The following CSMD1 variants were observed in gnomAD, a reference collection of about 807,000 sequenced individuals.
CSMD1 encodes the protein CUB and Sushi multiple domains 1.
A neutral mutation model predicts 417.5 loss-of-function variants in CSMD1; 213 were observed. The observed-to-expected ratio is 0.51, with a 90% CI of 0.46 to 0.57. The LOEUF (loss-of-function observed/expected upper bound fraction) is 0.57, where lower values mean the gene tolerates loss of function less well. Ranked by LOEUF, CSMD1 falls within the 20% of genes least tolerant of loss-of-function variation. The probability of loss-of-function intolerance (pLI) is 0.00; values close to 1 mark genes in which losing one functional copy is unlikely to be tolerated. For missense variants in CSMD1, 6,923 were observed against 4,529.7 expected (o/e 1.53, Z -15.17); for synonymous variants, 2,862 against 1,736.8 (o/e 1.65, Z -16.11).
chr8:3,834,220 A>G (rs1388136366), intron 5 of CSMD1, among the ~76,000 whole-genome samples: 3 of 151,986 alleles, frequency 2.0e-5, no homozygotes, highest in Non-Finnish European at 2.9e-5. Context: ...TTTATTTTGT[A>G]AAGAATTGCT....
chr8:3,804,095 T>C (rs1031784409), intron 5 of CSMD1, among the ~76,000 whole-genome samples: 34 of 152,052 alleles, frequency 2.2e-4, no homozygotes, highest in African/African-American at 7.7e-4. Flanking sequence ...TCCAGCTATT[T>C]TTTTTGTTAT....
At chr8:3,948,598 G>C (rs971547900) in intron 5 of CSMD1, among the ~76,000 whole-genome samples, 2 of 152,074 alleles carry the variant, frequency 1.3e-5, no homozygotes, top group African/African-American at 2.4e-5. Flanking sequence ...CGATGAACGT[G>C]TTTTAACATC....
intron 49 of CSMD1, among the ~76,000 whole-genome samples, chr8:3,058,082 T>A (rs1194530175): frequency 1.3e-5 from 2 of 152,196 alleles, no homozygotes; most frequent in Non-Finnish European, 2.9e-5. Flanking sequence ...ATTCTGCACC[T>A]ATTTAAGCCT....
chr8:3,403,293 A>C (rs1195671140), intron 15 of CSMD1, among the ~76,000 whole-genome samples: 1 of 152,088 alleles, frequency 6.6e-6, no homozygotes, highest in Non-Finnish European at 1.5e-5. Flanking sequence ...TCACTGCTTC[A>C]TTGCTATTTT....
chr8:4,074,334 C>T (rs1799711604), intron 3 of CSMD1, among the ~76,000 whole-genome samples: 3 of 151,990 alleles, frequency 2.0e-5, no homozygotes, highest in Non-Finnish European at 2.9e-5. Flanking sequence ...CAGTATTTGG[C>T]ATCTGAATGT....
chr8:3,478,104 T>A (rs1369261448), intron 11 of CSMD1, among the ~76,000 whole-genome samples: 1 of 152,236 alleles, frequency 6.6e-6, no homozygotes, highest in Non-Finnish European at 1.5e-5. Flanking sequence ...CTTTGACTCA[T>A]GCACACGCCT....
intron 3 of CSMD1, among the ~76,000 whole-genome samples, chr8:4,253,741 G>C (rs911882464): frequency 6.7e-6 from 1 of 149,162 alleles, no homozygotes; most frequent in Non-Finnish European, 1.5e-5. Context: ...TTTTCTGGTT[G>C]TTCAATTATA....
At chr8:2,976,236 C>A (rs1325268480) in intron 55 of CSMD1, among the ~76,000 whole-genome samples, 1 of 151,036 alleles carries the variant, frequency 6.6e-6, no homozygotes, top group African/African-American at 2.4e-5. Flanking sequence ...AAAAAAAAAA[C>A]TGCAACACTA....
chr8:4,656,064 T>C (rs1804210713), intron 1 of CSMD1, among the ~76,000 whole-genome samples: 1 of 152,024 alleles, frequency 6.6e-6, no homozygotes, highest in African/African-American at 2.4e-5. Context: ...GAAGAAAATG[T>C]AGGGCACAGT....
chr8:4,297,348 CA>C (rs1421462380), intron 3 of CSMD1, among the ~76,000 whole-genome samples: 1 of 151,784 alleles, frequency 6.6e-6, no homozygotes, highest in African/African-American at 2.4e-5. Flanking sequence ...AAAAACAAAA[CA>C]AAACAAAAGA....
rs141344558 is a variant in CSMD1, at chr8:4,407,630, T to C, written c.415+12323A>G. On this transcript the variant is annotated intron_variant, in intron 3 of 69. Transcript: ENST00000635120. ...TCAGTGTTAAATATATTGGAATTCA[T>C]TGTAAATACAAGTTAATTAGTGCCT... Among the ~76,000 whole-genome samples the C allele has an allele frequency of 2.3e-3, 350 of 152,362 alleles. 2 individuals carry two copies. Among genetic ancestry groups the C allele is most frequent in the African/African-American group, 7.6e-3 (317 of 41,584 alleles).
intron 3 of CSMD1, among the ~76,000 whole-genome samples, chr8:4,140,246 T>C (rs1415936519): frequency 6.7e-6 from 1 of 149,158 alleles, no homozygotes; most frequent in Non-Finnish European, 1.5e-5. Context: ...GCCTGTCATC[T>C]AGCACTTTGG....
chr8:4,348,356 C>T (rs1329569292), intron 3 of CSMD1, among the ~76,000 whole-genome samples: 7 of 151,934 alleles, frequency 4.6e-5, no homozygotes, highest in Admixed American at 6.6e-5. Context: ...GGAATCCACC[C>T]AAGTGTACTA....
intron 2 of CSMD1, among the ~76,000 whole-genome samples, chr8:4,569,819 G>A (rs1798796367): frequency 6.6e-6 from 1 of 151,824 alleles, no homozygotes; most frequent in Non-Finnish European, 1.5e-5. Flanking sequence ...TTATTTCCTT[G>A]AGCACTGATT....
At chr8:4,789,488 G>A (rs563008727) in intron 1 of CSMD1, among the ~76,000 whole-genome samples, 22 of 152,042 alleles carry the variant, frequency 1.4e-4, no homozygotes, top group Non-Finnish European at 2.8e-4. Context: ...GGTTTACATT[G>A]GATAAATGCT....
intron 1 of CSMD1, among the ~76,000 whole-genome samples, chr8:4,796,271 C>T (rs142307319): frequency 6.6e-6 from 1 of 152,096 alleles, no homozygotes; most frequent in African/African-American, 2.4e-5. Flanking sequence ...GAACAAGGAG[C>T]TGGCCAGAGG....
intron 2 of CSMD1, among the ~76,000 whole-genome samples, chr8:4,633,403 C>G (rs868160902): frequency 2.0e-5 from 3 of 151,514 alleles, no homozygotes. Context: ...CCCACCACCA[C>G]GCCCAGCTAA....
chr8:4,110,631 T>C (rs561834830), intron 3 of CSMD1, among the ~76,000 whole-genome samples: 2 of 17,324 alleles, frequency 1.2e-4, no homozygotes, highest in East Asian at 4.3e-3. Context: ...ATACCTGATA[T>C]ATACAGGTGT....
At chr8:4,027,513 T>A (rs2130546952) in intron 4 of CSMD1, among the ~76,000 whole-genome samples, 1 of 152,270 alleles carries the variant, frequency 6.6e-6, no homozygotes, top group East Asian at 1.9e-4. Context: ...TCTTTCACCC[T>A]TCACTCTGTA....
Sources: allele counts gnomAD v4.1 joint callset (sites outside exome capture counted in the v4.1 genomes callset), GRCh38; gene constraint gnomAD v4.1.1; transcripts MANE v1.5; gene names NCBI Gene and HGNC (gene_info 2026-07-23, HGNC 2026-07-21).